MTBP: variants seen among roughly 807,000 people sequenced by gnomAD.
The protein encoded by MTBP is mdm2-binding protein.
A neutral mutation model predicts 117.0 loss-of-function variants in MTBP; 101 were observed. That is an observed-to-expected ratio of 0.86 (90% CI 0.73 to 1.02). The LOEUF is 1.02. MTBP is among the 50% of genes least tolerant of loss of function. MTBP has a pLI of 0.00. For synonymous variants in MTBP, 350 were observed against 351.5 expected, an observed-to-expected ratio of 1.00 and a Z score of 0.05; for missense variants, 970 against 1,030.9, an observed-to-expected ratio of 0.94 and a Z score of 0.81.
chr8:120,476,540 T>A (rs1389437565), intron 11 of MTBP, among the ~76,000 whole-genome samples: 1 of 152,060 alleles, frequency 6.6e-6, no homozygotes, highest in Non-Finnish European at 1.5e-5. Flanking sequence ...CTTAAGCTGA[T>A]AAACAACTTC....
At chr8:120,521,526 T>G (rs1385039206) in intron 20 of MTBP, among the ~76,000 whole-genome samples, 1 of 152,150 alleles carries the variant, frequency 6.6e-6, no homozygotes, top group African/African-American at 2.4e-5. Flanking sequence ...TGTCTAAAAG[T>G]GTTTAATCAC....
rs150349985 is a variant in MTBP, at chr8:120,507,707, G to A, written c.1883+846G>A. ...TGGAACATTATTGCTTTATGTGCAT[G>A]TTCACTAGAGAGAGATAAAGAGCAA... On this transcript the variant is annotated intron_variant, in intron 16 of 21. Coordinates refer to ENST00000305949, the MANE Select transcript of MTBP (RefSeq NM_022045.5). Among the ~76,000 whole-genome samples the A allele has an allele frequency of 9.2e-5, 14 of 152,172 alleles. No individual in the cohort carries two copies. The East Asian group carries it at 2.7e-3, about 29-fold the overall frequency.
At chr8:120,446,072 C>T (rs1443157645) in intron 1 of MTBP, among the ~76,000 whole-genome samples, 2 of 152,078 alleles carry the variant, frequency 1.3e-5, no homozygotes, top group Admixed American at 1.3e-4. Context: ...TTGGTGCACC[C>T]GTCTAGATTC....
intron 5 of MTBP, among the ~76,000 whole-genome samples, chr8:120,454,509 G>T (rs1017326291): frequency 2.0e-5 from 3 of 151,856 alleles, no homozygotes; most frequent in Admixed American, 6.6e-5. Flanking sequence ...GTTGGTATCC[G>T]CAAATACTTT....
chr8:120,466,864 A>G (rs931560913), intron 10 of MTBP, among the ~76,000 whole-genome samples: 20 of 152,002 alleles, frequency 1.3e-4, no homozygotes, highest in African/African-American at 4.3e-4. Flanking sequence ...ACAGAGCGAG[A>G]CTCCGTCTCA....
At position 120,522,718 on chromosome 8, in the gene MTBP, A is replaced by G; in HGVS notation, c.2675A>G (p.Gln892Arg). The G allele has an allele frequency of 6.3e-7, 1 of 1,592,058 alleles. No individual in the cohort carries two copies. The highest frequency in any genetic ancestry group is 8.6e-7 in the Non-Finnish European group (1 of 1,169,194). ...MKKTANNNAV[Q>R]VIDWVLEKTS... is the part of the protein sequence containing the mutation. Reference sequence around the variant, plus strand: ...AAAACAGCAAACAACAATGCTGTACAGGTAAAGAAATTATTCCCAAGAAAC... The same window carrying G: ...AAAACAGCAAACAACAATGCTGTACGGGTAAAGAAATTATTCCCAAGAAAC... Residue 892 changes from glutamine to arginine, a missense_variant and splice_region_variant, in exon 21 of 22, where the codon CAG becomes CGG. Coordinates refer to ENST00000305949, the MANE Select transcript of MTBP (RefSeq NM_022045.5).
At chr8:120,478,962 G>A (rs944093248) in intron 11 of MTBP, among the ~76,000 whole-genome samples, 1 of 152,142 alleles carries the variant, frequency 6.6e-6, no homozygotes, top group Non-Finnish European at 1.5e-5. Flanking sequence ...TAAGAAATGT[G>A]GTACATGTAC....
rs190235301 is a variant in MTBP at position 120,511,854 on chromosome 8, T to C, written c.1979+1825T>C. ...TTGTTTGGTTTAGTTTCCCTGGTGGTTATCTCTCATTTTAAAAAATACCCT... is the reference window on the plus strand; with the variant it reads ...TTGTTTGGTTTAGTTTCCCTGGTGGCTATCTCTCATTTTAAAAAATACCCT... On this transcript the variant is annotated intron_variant, in intron 17 of 21. Coordinates refer to ENST00000305949, the MANE Select transcript of MTBP (RefSeq NM_022045.5). Among the ~76,000 whole-genome samples the C allele has an allele frequency of 9.3e-4, 141 of 152,274 alleles. 1 individual carries two copies. Among genetic ancestry groups the C allele is most frequent in the African/African-American group, 3.3e-3 (136 of 41,556 alleles).
At chr8:120,479,410 C>A (rs977908887) in intron 11 of MTBP, among the ~76,000 whole-genome samples, 3 of 152,152 alleles carry the variant, frequency 2.0e-5, no homozygotes, top group Admixed American at 2.0e-4. Flanking sequence ...ACAAAGTATT[C>A]TTTTAGTCAA....
At chr8:120,514,385 AAC>A (rs1814878011) in intron 17 of MTBP, among the ~76,000 whole-genome samples, 1 of 152,020 alleles carries the variant, frequency 6.6e-6, no homozygotes, top group Admixed American at 6.6e-5. Flanking sequence ...CCATCCCCAT[AAC>A]CACTATTCTA....
intron 17 of MTBP, 87 bp downstream of exon 17, chr8:120,510,116 A>T: frequency 1.0e-6 from 1 of 963,074 alleles, no homozygotes; most frequent in South Asian, 2.0e-5. Context: ...AATGATATAA[A>T]TTGAGACAGA....
At chr8:120,446,649 G>A in intron 2 of MTBP, 136 bp downstream of exon 2, 1 of 566,372 alleles carries the variant, frequency 1.8e-6, no homozygotes. Context: ...GATAACTAAG[G>A]GAGTACAAAA....
chr8:120,477,397 C>T (rs984004420), intron 11 of MTBP, among the ~76,000 whole-genome samples: 1 of 152,128 alleles, frequency 6.6e-6, no homozygotes, highest in African/African-American at 2.4e-5. Context: ...CCAAAATTGA[C>T]TAATAGGATC....
intron 6 of MTBP, 125 bp from the exon 7 acceptor site, chr8:120,456,428 T>A: frequency 1.7e-6 from 1 of 597,098 alleles, no homozygotes; most frequent in South Asian, 2.0e-5. Flanking sequence ...GTGTTTCATA[T>A]TAATAGGAAA....
intron 11 of MTBP, chr8:120,473,588 A>AGT (rs1813869605): frequency 6.6e-6 from 1 of 152,170 alleles, no homozygotes; most frequent in African/African-American, 2.4e-5. Flanking sequence ...GTACTTCCAG[A>AGT]GTGTATGACC....
intron 21 of MTBP, 47 bp from the exon 22 acceptor site, chr8:120,523,251 G>T: frequency 1.6e-6 from 2 of 1,238,552 alleles, no homozygotes; most frequent in Admixed American, 2.2e-5. Flanking sequence ...TCTATTACTT[G>T]TGTTTTCAAG....
chr8:120,455,331 A>G (rs1405808725), intron 5 of MTBP, 104 bp from the exon 6 acceptor site: 2 of 580,856 alleles, frequency 3.4e-6, no homozygotes, highest in Non-Finnish European at 5.5e-6. Flanking sequence ...ATATAAAACT[A>G]ATTTTTCTAA....
At chr8:120,457,071 C>A (rs77358246) in intron 7 of MTBP, among the ~76,000 whole-genome samples, 30 of 152,244 alleles carry the variant, frequency 2.0e-4, no homozygotes, top group African/African-American at 7.2e-4. Flanking sequence ...GAAAAAACTA[C>A]TTAGAGCATA....
intron 16 of MTBP, among the ~76,000 whole-genome samples, 168 bp from the exon 17 acceptor site, chr8:120,509,766 A>G (rs987929669): frequency 6.6e-6 from 1 of 152,200 alleles, no homozygotes; most frequent in Admixed American, 6.5e-5. Context: ...CCAAGGCCTA[A>G]CCTTGCTTCA....
Sources: gnomAD v4.1 joint callset for allele counts (sites outside exome capture counted in the v4.1 genomes callset) on GRCh38, gnomAD v4.1.1 for gene constraint, MANE v1.5 for transcripts, NCBI Gene and HGNC (gene_info 2026-07-23, HGNC 2026-07-21) for gene names.